FLG: variants seen among roughly 807,000 people sequenced by gnomAD.
FLG encodes epidermal filaggrin.
Under a neutral mutation model 3.8 loss-of-function variants are expected in FLG, and 6 were observed. The ratio of observed to expected loss-of-function variants is 1.60; its 90% confidence interval spans 0.87 to 3.15. The LOEUF (loss-of-function observed/expected upper bound fraction) is 3.15, where lower values mean the gene tolerates loss of function less well. FLG is among the 30% of genes most tolerant of loss of function. The pLI, the probability that FLG is intolerant of heterozygous loss-of-function variation, is 0.00. For missense variants in FLG, 7,595 were observed against 5,050.9 expected, an observed-to-expected ratio of 1.50 and a Z score of -15.27; for synonymous variants, 2,551 against 1,931.6, an observed-to-expected ratio of 1.32 and a Z score of -8.41.
In FLG at chr1:152,308,732, C is replaced by T. The variant is rs1652165475; in HGVS notation, c.6154G>A (p.Glu2052Lys). 1 of 1,614,156 alleles carries T rather than the reference C, an allele frequency of 6.2e-7. No homozygotes were observed. The highest frequency in any genetic ancestry group is 2.2e-5 in the East Asian group (1 of 44,874). ...GACACTGACTGTGTGTCTGAGTCTTCTGAATGTCCCTCACTGTCACTGGCC... is the reference window on the plus strand; with the variant it reads ...GACACTGACTGTGTGTCTGAGTCTTTTGAATGTCCCTCACTGTCACTGGCC... ...SQASDSEGHS[E>K]DSDTQSVSAQ... Residue 2052 changes from glutamate (E) to lysine (K), a missense_variant, in exon 3 of 3, where the codon GAA becomes AAA. By Grantham distance (56) the Glu-to-Lys change is moderately conservative. Coordinates refer to ENST00000368799, the MANE Select transcript of FLG (RefSeq NM_002016.2).
At chr1:152,323,429 T>C (rs1653044433) in intron 1 of FLG, among the ~76,000 whole-genome samples, 2 of 151,672 alleles carry the variant, frequency 1.3e-5, no homozygotes, top group Admixed American at 1.3e-4. Flanking sequence ...AATATAAAAA[T>C]AGCTTCTATA....
rs201811891 is a variant in FLG, at chr1:152,303,349, C to T, written c.11537G>A (p.Gly3846Asp). Residue 3846 changes from glycine to aspartate, a missense_variant, in exon 3 of 3, where the codon GGC becomes GAC. By Grantham distance (94) the Gly-to-Asp change is moderately conservative. Coordinates refer to ENST00000368799, the MANE Select transcript of FLG (RefSeq NM_002016.2). ...QADSSRHSQS[G>D]QGESAGSRRS... is the part of the protein sequence containing the mutation. ...CCTGGACCCCGCTGATTCACCCTGG[C>T]CGGACTGTGAGTGTCTAGAGCTGTC... 46 of 1,614,082 alleles carry T rather than the reference C, an allele frequency of 2.8e-5. No homozygotes were observed. In the East Asian group the frequency reaches 5.1e-4, roughly 18 times the overall value.
In FLG at chr1:152,317,924, T is replaced by A. The variant is rs1652840337; in HGVS notation, c.-21-2447A>T. ...TGGCTCAAGTCGTAAACCTGAAAAT[T>A]AGTTGATTCTCCTTTTCTTACATCC... On this transcript the variant is annotated intron_variant, in intron 1 of 2. Transcript: ENST00000368799. 2.0e-5 allele frequency among the ~76,000 whole-genome samples: 3 copies of A among 152,042 alleles called. No individual in the cohort carries two copies. The South Asian group carries it at 6.2e-4, about 32-fold the overall frequency.
chr1:152,310,902 TTGTC>T lies in FLG; in HGVS notation c.3980_3983del (p.Arg1327AsnfsTer118). The T allele has an allele frequency of 6.2e-7, 1 of 1,613,972 alleles. No homozygotes were observed. The highest frequency in any genetic ancestry group is 8.5e-7 in the Non-Finnish European group (1 of 1,179,988). ...AAGACTCTGTGTGATGAGTGCCTGA[TTGTC>T]TGGAGCTGTCTGCAGAGTGCCCGTG... is the stretch of plus-strand genomic sequence containing the variant. On this transcript the variant is annotated frameshift_variant, in exon 3 of 3. Coordinates refer to ENST00000368799, the MANE Select transcript of FLG (RefSeq NM_002016.2). LOFTEE classifies it low-confidence loss of function (END_TRUNC).
At chr1:152,318,827 C>G (rs1265444081) in intron 1 of FLG, among the ~76,000 whole-genome samples, 2 of 151,640 alleles carry the variant, frequency 1.3e-5, no homozygotes, top group Non-Finnish European at 3.0e-5. Context: ...AATAAACAAA[C>G]AATAAATTAA....
At position 152,304,922 on chromosome 1, in the gene FLG, G is replaced by A. The variant is rs554021719; in HGVS notation, c.9964C>T (p.Gln3322Ter). 3 of 1,613,694 alleles carry A rather than the reference G, an allele frequency of 1.9e-6. No individual in the cohort carries two copies. Among genetic ancestry groups the A allele is most frequent in the Non-Finnish European group, 2.5e-6 (3 of 1,179,998 alleles). ...SSRHSGIPRG[Q>*]ASSAVRDSRH... ...CTGTCTCTGACTGCAGATGAAGCTTGTCCACGCGGAATGCCTGAGTGTCTG... is the reference window on the plus strand; with the variant it reads ...CTGTCTCTGACTGCAGATGAAGCTTATCCACGCGGAATGCCTGAGTGTCTG... Residue 3322 changes from glutamine (Q) to a stop codon, truncating the protein, a stop_gained, in exon 3 of 3, where the codon CAA (glutamine) becomes TAA (stop). Transcript: ENST00000368799. LOFTEE classifies it low-confidence loss of function (END_TRUNC).
rs1404194686 is a variant in FLG, at chr1:152,302,544, A to C, written c.*156T>G. 1 of 942,992 alleles carries C rather than the reference A, an allele frequency of 1.1e-6. No individual in the cohort carries two copies. Among genetic ancestry groups the C allele is most frequent in the East Asian group, 2.6e-5 (1 of 37,990 alleles). The allele number at this position is 942,992 out of a possible 1,614,324, so 58.4% of individuals were successfully genotyped here. On this transcript the variant is annotated 3_prime_UTR_variant, in exon 3 of 3. Transcript: ENST00000368799. ...GCGTTTAAAGATCATTACACAATAAAAATAAGCTACCACCAAACTAATGAA... is the reference window on the plus strand; with the variant it reads ...GCGTTTAAAGATCATTACACAATAACAATAAGCTACCACCAAACTAATGAA...
intron 2 of FLG, chr1:152,315,080 C>G: frequency 5.0e-6 from 2 of 402,928 alleles, no homozygotes; most frequent in Admixed American, 4.1e-5. Flanking sequence ...TACCAAAATA[C>G]TAAGAACTAA....
In FLG at chr1:152,311,692, C is replaced by T. The variant is rs751834288; in HGVS notation, c.3194G>A (p.Gly1065Glu). The change falls in exon 3 of 3, where the codon GGG (glycine) becomes GAG (glutamate). Residue 1065 changes from glycine to glutamate, a missense_variant. Physicochemically the swap from Gly to Glu is moderately conservative, Grantham distance 98 (BLOSUM62 -2). Coordinates refer to ENST00000368799, the MANE Select transcript of FLG (RefSeq NM_002016.2). ...ATCACTGGCCTGACTACCACTGGAC[C>T]CCCAGTGTCCACTGTCTCTGACTGC... Reference protein sequence around the residue: ...SSAVRDSGHWGSSGSQASDSE... With the variant: ...SSAVRDSGHWESSGSQASDSE... The T allele has an allele frequency of 6.2e-7, 1 of 1,614,058 alleles. No homozygotes were observed.
chr1:152,320,889 C>CT (rs1052155787), intron 1 of FLG, among the ~76,000 whole-genome samples: 1 of 150,834 alleles, frequency 6.6e-6, no homozygotes, highest in African/African-American at 2.4e-5. Flanking sequence ...CTAGAAAAAT[C>CT]TTTAAGTGTT....
rs762249452 is a variant in FLG at position 152,304,754 on chromosome 1, C to T, written c.10132G>A (p.Gly3378Arg). 3.7e-6 allele frequency: 6 copies of T among 1,613,448 alleles called. No homozygotes were observed. Among genetic ancestry groups the T allele is most frequent in the African/African-American group, 1.3e-5 (1 of 74,784 alleles). ...AAAGACCCTGAACGTCCAGACCTTC[C>T]CCCTGACCGGTCACGTGCGGACTCT... ...HQESARDRSGGRSGRSGSFLY... is the reference protein window; with the variant it reads ...HQESARDRSGRRSGRSGSFLY... Residue 3378 changes from glycine to arginine, a missense_variant, in exon 3 of 3, where the codon GGA becomes AGA. Physicochemically the swap from Gly to Arg is moderately radical, Grantham distance 125. Transcript: ENST00000368799.
rs1557877255 is a variant in FLG at position 152,309,972 on chromosome 1, T to C, written c.4914A>G (p.Glu1638=). The C allele has an allele frequency of 2.5e-6, 4 of 1,613,986 alleles. No homozygotes were observed. Among genetic ancestry groups the C allele is most frequent in the Non-Finnish European group, 1.7e-6 (2 of 1,180,022 alleles). Reference sequence around the variant, plus strand: ...CAGAGTGCCCATGACTGGCTCTATCTTCTTGATGGGACCTGGGGTTCCTGG... The same window carrying C: ...CAGAGTGCCCATGACTGGCTCTATCCTCTTGATGGGACCTGGGGTTCCTGG... ...HGSRNPRSHQ[E]DRASHGHSAE... Residue 1638 remains glutamate, a synonymous_variant, in exon 3 of 3, where the codon GAA becomes GAG. Transcript: ENST00000368799.
At position 152,310,181 on chromosome 1, in the gene FLG, C is replaced by T. The variant is rs147938980; in HGVS notation, c.4705G>A (p.Gly1569Ser). The T allele has an allele frequency of 2.3e-4, 379 of 1,613,684 alleles. No individual in the cohort carries two copies. Among genetic ancestry groups the T allele is most frequent in the African/African-American group, 2.1e-4 (16 of 74,786 alleles). The change falls in exon 3 of 3, where the codon GGC becomes AGC. Residue 1569 changes from glycine (G) to serine (S), a missense_variant. Transcript: ENST00000368799. ...SRHHEPSTRA[G>S]SSRHSQVGQG... is the part of the protein sequence containing the mutation. Reference sequence around the variant, plus strand: ...CCCACCTGTGAGTGTCTAGAGCTGCCGGCCCGAGTGGAAGGTTCATGGTGA... The same window carrying T: ...CCCACCTGTGAGTGTCTAGAGCTGCTGGCCCGAGTGGAAGGTTCATGGTGA...
rs749102412 is a variant in FLG at position 152,306,064 on chromosome 1, C to A, written c.8822G>T (p.Gly2941Val). The change falls in exon 3 of 3, where the codon GGG becomes GTG. Residue 2941 changes from glycine (G) to valine (V), a missense_variant. Gly to Val is a moderately radical substitution (Grantham distance 109). Transcript: ENST00000368799. ...RSHQEDRAGH[G>V]HSADSSRQSG... ...TTGTCTGGAGCTGTCTGCAGAGTGCCCATGACCAGCTCTGTCTTCTTGATG... is the reference window on the plus strand; with the variant it reads ...TTGTCTGGAGCTGTCTGCAGAGTGCACATGACCAGCTCTGTCTTCTTGATG... 1 of 1,596,294 alleles carries A rather than the reference C, an allele frequency of 6.3e-7. No individual in the cohort carries two copies. Among genetic ancestry groups the A allele is most frequent in the Non-Finnish European group, 8.5e-7 (1 of 1,179,720 alleles).
rs1472263886 is a variant in FLG at position 152,313,844 on chromosome 1, G to A, written c.1042C>T (p.His348Tyr). ...GATTGTCTGGAGCTGTCTGCAGAGT[G>A]CCCATGACTGGCTCTGTCTTCATCA... ...SHDEDRASHG[H>Y]SADSSRQSGT... Residue 348 changes from histidine to tyrosine, a missense_variant, in exon 3 of 3, where the codon CAC becomes TAC. His to Tyr is a moderately conservative substitution (Grantham distance 83). Coordinates refer to ENST00000368799, the MANE Select transcript of FLG (RefSeq NM_002016.2). 1 of 1,614,030 alleles carries A rather than the reference G, an allele frequency of 6.2e-7. No individual in the cohort carries two copies.
rs1283319311 is a variant in FLG, at chr1:152,311,678, G to A, written c.3208C>T (p.Gln1070Ter). The A allele has an allele frequency of 1.2e-6, 2 of 1,613,964 alleles. No individual in the cohort carries two copies. Among genetic ancestry groups the A allele is most frequent in the Non-Finnish European group, 1.7e-6 (2 of 1,180,022 alleles). ...DSGHWGSSGSQASDSEGHSEE... is the reference protein window; with the variant it reads ...DSGHWGSSGS ...GAATGTCCCTCACTATCACTGGCCT[G>A]ACTACCACTGGACCCCCAGTGTCCA... The change falls in exon 3 of 3, where the codon CAG (glutamine) becomes TAG (stop). Residue 1070 changes from glutamine (Q) to a stop codon, truncating the protein, a stop_gained. Transcript: ENST00000368799. LOFTEE classifies it low-confidence loss of function (END_TRUNC).
Position 152,310,307 on chromosome 1 carries a change from T to C in FLG, c.4579A>G (p.Arg1527Gly). ...YHHSHTTPQG[R>G]SDASHGQSGP... ...GACTGCCCATGGGAGGCATCAGACC[T>C]TCCCTGGGGTGTGGTGTGGCTGTGA... Residue 1527 changes from arginine to glycine, a missense_variant, in exon 3 of 3, where the codon AGG becomes GGG. By Grantham distance (125) the Arg-to-Gly change is moderately radical. Coordinates refer to ENST00000368799, the MANE Select transcript of FLG (RefSeq NM_002016.2). 17 of 1,613,890 alleles carry C rather than the reference T, an allele frequency of 1.1e-5. No individual in the cohort carries two copies. The highest frequency in any genetic ancestry group is 1.4e-5 in the Non-Finnish European group (16 of 1,179,982).
Position 152,311,874 on chromosome 1 carries a change from T to C in FLG, c.3012A>G (p.Gln1004=), listed in dbSNP as rs753462313. 6.8e-6 allele frequency: 11 copies of C among 1,613,940 alleles called. No individual in the cohort carries two copies. The South Asian group carries it at 7.7e-5, about 11-fold the overall frequency. ...GHGHSADSSR[Q]SGTPHAETSS... ...AAGTCTCTGCGTGAGGAGTTCCTGA[T>C]TGTCTGGAGCTGTCTGCAGAGTGCC... The change falls in exon 3 of 3, where the codon CAA becomes CAG. Residue 1004 remains glutamine (Q), a synonymous_variant. Transcript: ENST00000368799.
Position 152,305,137 on chromosome 1 carries a change from C to A in FLG, c.9749G>T (p.Gly3250Val). The A allele has an allele frequency of 6.2e-7, 1 of 1,613,928 alleles. No homozygotes were observed. The highest frequency in any genetic ancestry group is 8.5e-7 in the Non-Finnish European group (1 of 1,179,980). ...RGSVQEQSRHGSRHPRSHHED... is the reference protein window; with the variant it reads ...RGSVQEQSRHVSRHPRSHHED... Reference sequence around the variant, plus strand: ...GTGATGGGACCTGGGGTGTCTGGAGCCGTGCCTTGACTGCTCCTGAACAGA... The same window carrying A: ...GTGATGGGACCTGGGGTGTCTGGAGACGTGCCTTGACTGCTCCTGAACAGA... Residue 3250 changes from glycine (G) to valine (V), a missense_variant, in exon 3 of 3, where the codon GGC becomes GTC. Transcript: ENST00000368799.
Sources: allele counts gnomAD v4.1 joint callset (sites outside exome capture counted in the v4.1 genomes callset), GRCh38; gene constraint gnomAD v4.1.1; transcripts MANE v1.5; gene names NCBI Gene and HGNC (gene_info 2026-07-23, HGNC 2026-07-21).